The following ZNF292 variants were observed in gnomAD, a reference collection of about 807,000 sequenced individuals.
ZNF292 encodes zinc finger protein 292.
In ZNF292, 26 loss-of-function variants were observed where a neutral mutation model predicts 217.9. The observed-to-expected ratio is 0.12, with a 90% CI of 0.09 to 0.17. ZNF292 has a LOEUF of 0.17. ZNF292 is among the 10% of genes least tolerant of loss of function. The pLI is 1.00. For missense variants in ZNF292, 2,904 were observed against 3,175.2 expected, an observed-to-expected ratio of 0.91 and a Z score of 2.05; for synonymous variants, 1,257 against 1,124.1, an observed-to-expected ratio of 1.12 and a Z score of -2.37.
rs528079379 is a variant in ZNF292 at position 87,239,878 on chromosome 6, G to A, written c.742-3597G>A. ...TCCTCACTTCCCAGACTGGGCAGCC[G>A]GGCAGAGAGGCTCCTCACATCCCAG... On this transcript the variant is annotated intron_variant, in intron 5 of 7. Coordinates refer to ENST00000369577, the MANE Select transcript of ZNF292 (RefSeq NM_015021.3). Among the ~76,000 whole-genome samples, 543 of 151,782 alleles carry A rather than the reference G, an allele frequency of 3.6e-3. 2 individuals carry two copies. The highest frequency in any genetic ancestry group is 0.013 in the African/African-American group (519 of 41,354).
At chr6:87,207,396 A>G (rs537483027) in intron 1 of ZNF292, among the ~76,000 whole-genome samples, 2 of 152,218 alleles carry the variant, frequency 1.3e-5, no homozygotes, top group East Asian at 3.9e-4. Context: ...TCTGATTTCT[A>G]TTATGGTTTC....
intron 7 of ZNF292, among the ~76,000 whole-genome samples, chr6:87,246,266 A>G (rs892673480): frequency 6.6e-6 from 1 of 152,238 alleles, no homozygotes; most frequent in Non-Finnish European, 1.5e-5. Context: ...AAGAAATTTT[A>G]AAAGTATAAA....
chr6:87,243,965 GCTT>G (rs1219084749), intron 6 of ZNF292, among the ~76,000 whole-genome samples: 1 of 152,126 alleles, frequency 6.6e-6, no homozygotes, highest in Non-Finnish European at 1.5e-5. Flanking sequence ...GTTGGGCATA[GCTT>G]GTTATATGTA....
In ZNF292 at chr6:87,258,538, C is replaced by A; in HGVS notation, c.4909C>A (p.Pro1637Thr). ...ASKRRKKVAP[P>T]LIAPNASQNL... ...TAAGAGAAGAAAGAAAGTTGCTCCTCCACTAATTGCACCTAACGCTTCCCA... is the reference window on the plus strand; with the variant it reads ...TAAGAGAAGAAAGAAAGTTGCTCCTACACTAATTGCACCTAACGCTTCCCA... Residue 1637 changes from proline to threonine, a missense_variant, in exon 8 of 8, where the codon CCA becomes ACA. Physicochemically the swap from Pro to Thr is conservative, Grantham distance 38. Transcript: ENST00000369577. 1 of 1,613,632 alleles carries A rather than the reference C, an allele frequency of 6.2e-7. No homozygotes were observed.
At chr6:87,235,587 A>G (rs183216977) in intron 5 of ZNF292, among the ~76,000 whole-genome samples, 1 of 152,120 alleles carries the variant, frequency 6.6e-6, no homozygotes, top group African/African-American at 2.4e-5. Flanking sequence ...AAAAATCTGT[A>G]TTTCTAGCTC....
intron 1 of ZNF292, among the ~76,000 whole-genome samples, chr6:87,191,141 C>T (rs1340097370): frequency 6.6e-6 from 1 of 151,940 alleles, no homozygotes; most frequent in African/African-American, 2.4e-5. Flanking sequence ...GCTACTACAT[C>T]CTTAAATGTA....
At position 87,261,314 on chromosome 6, in the gene ZNF292, G is replaced by T. The variant is rs369406915; in HGVS notation, c.7685G>T (p.Arg2562Leu). The T allele has an allele frequency of 4.6e-5, 74 of 1,613,306 alleles. No individual in the cohort carries two copies. Among genetic ancestry groups the T allele is most frequent in the Non-Finnish European group, 6.3e-5 (74 of 1,179,658 alleles). Residue 2562 changes from arginine (R) to leucine (L), a missense_variant, in exon 8 of 8, where the codon CGT becomes CTT. Coordinates refer to ENST00000369577, the MANE Select transcript of ZNF292 (RefSeq NM_015021.3). ...PASAAELSSVRKEEETAVAIQ... is the reference protein window; with the variant it reads ...PASAAELSSVLKEEETAVAIQ... ...TCAGCAGCTGAGTTAAGTAGCGTGC[G>T]TAAAGAAGAAGAAACTGCTGTTGCC...
At chr6:87,239,398 G>C (rs797001829) in intron 5 of ZNF292, among the ~76,000 whole-genome samples, 393 of 14,572 alleles carry the variant, frequency 0.027, 1 homozygote, top group African/African-American at 0.086. Flanking sequence ...CCGGGGGCTG[G>C]CCCCCACCTC....
At chr6:87,164,330 G>A (rs1252858811) in intron 1 of ZNF292, among the ~76,000 whole-genome samples, 1 of 152,188 alleles carries the variant, frequency 6.6e-6, no homozygotes, top group Non-Finnish European at 1.5e-5. Flanking sequence ...AGCATCAAGA[G>A]AGTAAGTTCT....
chr6:87,157,425 A>C (rs1397365717), intron 1 of ZNF292, among the ~76,000 whole-genome samples: 1 of 152,248 alleles, frequency 6.6e-6, no homozygotes, highest in Non-Finnish European at 1.5e-5. Flanking sequence ...TACCCATAAT[A>C]GGAAGTATTT....
At position 87,261,600 on chromosome 6, in the gene ZNF292, A is replaced by G. The variant is rs1562197050; in HGVS notation, c.7971A>G (p.Pro2657=). Residue 2657 remains proline, a synonymous_variant, in exon 8 of 8, where the codon CCA becomes CCG. Coordinates refer to ENST00000369577, the MANE Select transcript of ZNF292 (RefSeq NM_015021.3). ...AAACGTTTGTACAGTTTGCCAATCC[A>G]TCACAGCTTCAGTGCAGTGATAATG... The part of the protein sequence containing the change: ...ESETFVQFAN[P]SQLQCSDNVK... The G allele has an allele frequency of 8.1e-6, 13 of 1,611,080 alleles. No individual in the cohort carries two copies. The highest frequency in any genetic ancestry group is 9.3e-6 in the Non-Finnish European group (11 of 1,178,394).
At chr6:87,157,708 A>G (rs902021513) in intron 1 of ZNF292, among the ~76,000 whole-genome samples, 1 of 151,860 alleles carries the variant, frequency 6.6e-6, no homozygotes, top group Non-Finnish European at 1.5e-5. Flanking sequence ...TATTTTTGAG[A>G]TATGGAGTCT....
chr6:87,224,746 A>G (rs1239338153), intron 4 of ZNF292, among the ~76,000 whole-genome samples: 3 of 152,118 alleles, frequency 2.0e-5, no homozygotes, highest in African/African-American at 4.8e-5. Flanking sequence ...GGCTAAACAA[A>G]CTGTGGTACA....
At chr6:87,204,953 C>G (rs1316039541) in intron 1 of ZNF292, among the ~76,000 whole-genome samples, 1 of 152,018 alleles carries the variant, frequency 6.6e-6, no homozygotes, top group Non-Finnish European at 1.5e-5. Context: ...GTTTTAATCT[C>G]AAGTTTATAG....
intron 1 of ZNF292, among the ~76,000 whole-genome samples, chr6:87,161,930 G>GT (rs1302675327): frequency 6.6e-6 from 1 of 152,102 alleles, no homozygotes; most frequent in African/African-American, 2.4e-5. Context: ...TAACTACACT[G>GT]TATCTTGCTT....
At chr6:87,221,056 T>G (rs1257591628) in intron 4 of ZNF292, among the ~76,000 whole-genome samples, 1 of 152,204 alleles carries the variant, frequency 6.6e-6, no homozygotes, top group Non-Finnish European at 1.5e-5. Context: ...ATTTGAACAG[T>G]GACTAATCTG....
Position 87,261,290 on chromosome 6 carries a change from C to T in ZNF292, c.7661C>T (p.Ser2554Leu). The change falls in exon 8 of 8, where the codon TCA becomes TTA. Residue 2554 changes from serine (S) to leucine (L), a missense_variant. Transcript: ENST00000369577. Reference protein sequence around the residue: ...KRKVEKAEPASAAELSSVRKE... With the variant: ...KRKVEKAEPALAAELSSVRKE... The stretch of plus-strand genomic sequence containing the variant: ...AAAGTTGAAAAAGCTGAACCAGCAT[C>T]AGCAGCTGAGTTAAGTAGCGTGCGT... 6.2e-7 allele frequency: 1 copy of T among 1,613,210 alleles called. No homozygotes were observed. Among genetic ancestry groups the T allele is most frequent in the African/African-American group, 1.3e-5 (1 of 74,994 alleles).
In ZNF292 at chr6:87,261,469, C is replaced by A; in HGVS notation, c.7840C>A (p.His2614Asn). Residue 2614 changes from histidine (H) to asparagine (N), a missense_variant, in exon 8 of 8, where the codon CAT becomes AAT. This residue lies in a region of ZNF292 where 380 missense variants were observed against 355.3 expected (regional missense o/e 1.07). Transcript: ENST00000369577. ...GCAGAAGAAAAATACTGACAAAGAC[C>A]ATCCGAATACTGGAAACAAAAAAGG... ...VKQKKNTDKD[H>N]PNTGNKKGSH... is the part of the protein sequence containing the mutation. 1 of 1,604,170 alleles carries A rather than the reference C, an allele frequency of 6.2e-7. No homozygotes were observed. The highest frequency in any genetic ancestry group is 8.5e-7 in the Non-Finnish European group (1 of 1,174,808).
intron 5 of ZNF292, among the ~76,000 whole-genome samples, chr6:87,239,044 A>C (rs1284154072): frequency 2.5e-4 from 38 of 152,380 alleles, no homozygotes; most frequent in African/African-American, 9.1e-4. Context: ...AATTTTTCTT[A>C]GTACGGAACA....
Sources: allele counts gnomAD v4.1 joint callset (sites outside exome capture counted in the v4.1 genomes callset), GRCh38; gene constraint gnomAD v4.1.1; regional missense constraint gnomAD v4.1.1; transcripts MANE v1.5; gene names NCBI Gene and HGNC (gene_info 2026-07-23, HGNC 2026-07-21).